CACNA2D3: variants seen among roughly 807,000 people sequenced by gnomAD.
CACNA2D3 encodes the protein calcium voltage-gated channel auxiliary subunit alpha2delta 3.
Under a neutral mutation model 160.6 loss-of-function variants are expected in CACNA2D3, and 60 were observed. The observed-to-expected ratio is 0.37, with a 90% CI of 0.30 to 0.46. The LOEUF (loss-of-function observed/expected upper bound fraction) is 0.46. Among genes scored for constraint, CACNA2D3 ranks in the 20% least tolerant of loss-of-function variants. The pLI, the probability that CACNA2D3 is intolerant of heterozygous loss-of-function variation, is 1.00. For missense variants in CACNA2D3, 1,205 were observed against 1,365.0 expected (o/e 0.88, Z 1.85); for synonymous variants, 558 against 492.9 (o/e 1.13, Z -1.75).
chr3:54,299,212 T>TTA (rs544305383), intron 2 of CACNA2D3, among the ~76,000 whole-genome samples: 6 of 147,078 alleles, frequency 4.1e-5, no homozygotes, highest in South Asian at 2.2e-4. Flanking sequence ...GTTCCATTAT[T>TTA]AAAAAAAAAA....
chr3:54,137,559 C>G (rs1699837246), intron 2 of CACNA2D3, among the ~76,000 whole-genome samples: 1 of 152,140 alleles, frequency 6.6e-6, no homozygotes, highest in African/African-American at 2.4e-5. Flanking sequence ...TGTTTTTTTT[C>G]TAAGTCAGTG....
intron 11 of CACNA2D3, among the ~76,000 whole-genome samples, chr3:54,731,802 G>C (rs983463762): frequency 6.6e-6 from 1 of 152,018 alleles, no homozygotes; most frequent in African/African-American, 2.4e-5. Flanking sequence ...ACTGTTCAAA[G>C]GCAGGTAATG....
intron 27 of CACNA2D3, among the ~76,000 whole-genome samples, chr3:54,940,982 A>T (rs1432539104): frequency 6.6e-6 from 1 of 152,218 alleles, no homozygotes; most frequent in Non-Finnish European, 1.5e-5. Flanking sequence ...ATTATTTCAT[A>T]GATTTAAAAC....
intron 35 of CACNA2D3, among the ~76,000 whole-genome samples, chr3:55,052,789 A>G (rs1165962666): frequency 6.6e-6 from 1 of 152,106 alleles, no homozygotes. Flanking sequence ...TTTGTCTAAT[A>G]TTAATATAGC....
At chr3:54,196,960 T>A (rs1224486912) in intron 2 of CACNA2D3, among the ~76,000 whole-genome samples, 1 of 152,234 alleles carries the variant, frequency 6.6e-6, no homozygotes, top group African/African-American at 2.4e-5. Flanking sequence ...AAAACGTGTT[T>A]TACTTTCCCC....
chr3:54,400,430 C>A (rs941215634), intron 4 of CACNA2D3, among the ~76,000 whole-genome samples: 1 of 152,042 alleles, frequency 6.6e-6, no homozygotes, highest in East Asian at 1.9e-4. Flanking sequence ...TCCTGGAACT[C>A]AGCACTGTTG....
At chr3:54,978,985 T>A (rs545816038) in intron 29 of CACNA2D3, among the ~76,000 whole-genome samples, 5 of 152,256 alleles carry the variant, frequency 3.3e-5, no homozygotes, top group Admixed American at 2.0e-4. Context: ...ATTATTTGTA[T>A]ACAGTGCAGC....
intron 18 of CACNA2D3, 28 bp from the exon 19 acceptor site, chr3:54,878,990 C>G (rs1699728488): frequency 1.4e-6 from 2 of 1,480,562 alleles, no homozygotes; most frequent in South Asian, 1.2e-5. Flanking sequence ...CAGGGAAGAA[C>G]TAACACACTT....
chr3:54,190,499 T>G (rs1576988776), intron 2 of CACNA2D3, among the ~76,000 whole-genome samples: 1 of 152,288 alleles, frequency 6.6e-6, no homozygotes, highest in South Asian at 2.1e-4. Context: ...TTCCCCAAAT[T>G]GAGAGTTTTA....
chr3:54,530,920 A>T (rs1422052136), intron 5 of CACNA2D3, among the ~76,000 whole-genome samples: 1 of 152,170 alleles, frequency 6.6e-6, no homozygotes, highest in Non-Finnish European at 1.5e-5. Flanking sequence ...AGACCGGCCT[A>T]GCTGTTTCTC....
At chr3:54,215,719 C>T (rs950502771) in intron 2 of CACNA2D3, among the ~76,000 whole-genome samples, 2 of 152,128 alleles carry the variant, frequency 1.3e-5, no homozygotes, top group East Asian at 1.9e-4. Flanking sequence ...CCAAAGTCAC[C>T]GGCTCACAAA....
At chr3:54,209,821 A>G (rs55832616) in intron 2 of CACNA2D3, among the ~76,000 whole-genome samples, 29,826 of 152,184 alleles carry the variant, frequency 0.2, 3,930 homozygotes, top group East Asian at 0.56. Flanking sequence ...ATTTTGCTGT[A>G]TAAATTTTCT....
intron 13 of CACNA2D3, among the ~76,000 whole-genome samples, chr3:54,764,684 T>C (rs1262378000): frequency 6.6e-6 from 1 of 152,224 alleles, no homozygotes; most frequent in Non-Finnish European, 1.5e-5. Context: ...GATTCTGTCC[T>C]CACCATATAT....
At chr3:54,821,637 T>TTCG (rs1559594809) in intron 14 of CACNA2D3, among the ~76,000 whole-genome samples, 3 of 147,762 alleles carry the variant, frequency 2.0e-5, no homozygotes, top group Admixed American at 6.8e-5. Context: ...TTCTAGAGTC[T>TTCG]TTCGTTCTTT....
chr3:54,413,791 C>T (rs1699710489), intron 4 of CACNA2D3, among the ~76,000 whole-genome samples: 1 of 151,372 alleles, frequency 6.6e-6, no homozygotes, highest in African/African-American at 2.4e-5. Flanking sequence ...TCCATCTATA[C>T]ACTGATTATG....
chr3:54,625,346 G>C (rs1227787149), intron 9 of CACNA2D3, among the ~76,000 whole-genome samples: 1 of 152,214 alleles, frequency 6.6e-6, no homozygotes, highest in Admixed American at 6.5e-5. Flanking sequence ...GAAAGAAGAA[G>C]GGCATTAGAG....
intron 11 of CACNA2D3, among the ~76,000 whole-genome samples, chr3:54,738,917 C>T (rs958074115): frequency 6.6e-5 from 10 of 152,116 alleles, no homozygotes; most frequent in East Asian, 1.9e-4. Context: ...TTTGGGCGGC[C>T]GAGGCTATCT....
At chr3:54,215,131 G>T (rs1014890068) in intron 2 of CACNA2D3, among the ~76,000 whole-genome samples, 1 of 152,052 alleles carries the variant, frequency 6.6e-6, no homozygotes, top group Non-Finnish European at 1.5e-5. Flanking sequence ...GGGCCTTTTG[G>T]GTTGTGGAGA....
intron 11 of CACNA2D3, among the ~76,000 whole-genome samples, chr3:54,750,458 C>G (rs1701835426): frequency 6.6e-6 from 1 of 152,132 alleles, no homozygotes; most frequent in Non-Finnish European, 1.5e-5. Flanking sequence ...AGACTTGATT[C>G]CAGTTCATCC....
Sources: allele counts gnomAD v4.1 joint callset (sites outside exome capture counted in the v4.1 genomes callset), GRCh38; gene constraint gnomAD v4.1.1; transcripts MANE v1.5; gene names NCBI Gene and HGNC (gene_info 2026-07-23, HGNC 2026-07-21).